The following MINDY4 variants were observed in gnomAD, a reference collection of about 807,000 sequenced individuals.
MINDY4 encodes the protein probable ubiquitin carboxyl-terminal hydrolase MINDY-4.
A neutral mutation model predicts 87.0 loss-of-function variants in MINDY4; 68 were observed. That is an observed-to-expected ratio of 0.78 (90% confidence interval 0.64 to 0.96). The LOEUF is 0.96. MINDY4 is among the 40% of genes least tolerant of loss of function. The pLI, the probability that MINDY4 is intolerant of heterozygous loss-of-function variation, is 0.00. For synonymous variants in MINDY4, 379 were observed against 363.2 expected (o/e 1.04, Z -0.50); for missense variants, 919 against 928.2 (o/e 0.99, Z 0.13).
At chr7:30,784,297 G>A (rs62446931) in intron 3 of MINDY4, among the ~76,000 whole-genome samples, 10,391 of 152,238 alleles carry the variant, frequency 0.068, 488 homozygotes, top group Middle Eastern at 0.13. Flanking sequence ...TCTTGCCTCC[G>A]CCTCGTCCGT....
chr7:30,836,567 A>G, intron 6 of MINDY4, 91 bp from the exon 7 acceptor site: 1 of 1,041,596 alleles, frequency 9.6e-7, no homozygotes, highest in South Asian at 1.4e-5. Flanking sequence ...ACCTTCTACA[A>G]ACTTAGCAAT....
intron 13 of MINDY4, among the ~76,000 whole-genome samples, chr7:30,867,214 A>G (rs1193085945): frequency 2.0e-5 from 3 of 152,130 alleles, no homozygotes; most frequent in Non-Finnish European, 4.4e-5. Flanking sequence ...ATCCTGGGAA[A>G]ACAGTTGATA....
intron 1 of MINDY4, among the ~76,000 whole-genome samples, chr7:30,776,589 C>G (rs1440743066): frequency 6.6e-6 from 1 of 152,198 alleles, no homozygotes; most frequent in Middle Eastern, 3.2e-3. Flanking sequence ...ACTGCTCTGC[C>G]TCTAGCAACT....
chr7:30,801,825 C>T (rs17781398), intron 5 of MINDY4, among the ~76,000 whole-genome samples: 10,451 of 152,226 alleles, frequency 0.069, 439 homozygotes, highest in Middle Eastern at 0.14. Context: ...CCAGAAAGTG[C>T]GGCTAAAGAA....
At chr7:30,785,088 T>TA (rs1554277624) in intron 3 of MINDY4, among the ~76,000 whole-genome samples, 7 of 151,268 alleles carry the variant, frequency 4.6e-5, no homozygotes, top group African/African-American at 1.5e-4. Context: ...TTTTTTTTTT[T>TA]AATTGATCCA....
At chr7:30,793,051 CTT>C (rs534398261) in intron 5 of MINDY4, among the ~76,000 whole-genome samples, 7 of 131,912 alleles carry the variant, frequency 5.3e-5, no homozygotes, top group Non-Finnish European at 6.6e-5. Context: ...ATCGTGGTTT[CTT>C]TTTTTTTTTT....
intron 5 of MINDY4, among the ~76,000 whole-genome samples, chr7:30,820,793 G>A (rs1367740357): frequency 6.6e-6 from 1 of 152,124 alleles, no homozygotes; most frequent in Non-Finnish European, 1.5e-5. Flanking sequence ...AAATAGTGCT[G>A]CCGTGAACAT....
At chr7:30,777,033 A>T (rs1786845646) in intron 1 of MINDY4, among the ~76,000 whole-genome samples, 1 of 137,854 alleles carries the variant, frequency 7.3e-6, no homozygotes, top group Non-Finnish European at 1.5e-5. Flanking sequence ...TTTTAGAGAT[A>T]GGGTCTCACT....
At position 30,821,286 on chromosome 7, in the gene MINDY4, T is replaced by C. The variant is rs369033084; in HGVS notation, c.1074-7393T>C. On this transcript the variant is annotated intron_variant, in intron 5 of 17. Coordinates refer to ENST00000265299, the MANE Select transcript of MINDY4 (RefSeq NM_032222.3). Reference sequence around the variant, plus strand: ...CTTCCTGATATGAGTCCTTGATCGTTCATTCAGTGAAGGTCTGTGATACTA... The same window carrying C: ...CTTCCTGATATGAGTCCTTGATCGTCCATTCAGTGAAGGTCTGTGATACTA... 3.2e-3 allele frequency among the ~76,000 whole-genome samples: 495 copies of C among 152,342 alleles called. 1 individual carries two copies. Among genetic ancestry groups the C allele is most frequent in the African/African-American group, 0.011 (468 of 41,582 alleles).
chr7:30,848,245 C>T (rs922493095), intron 9 of MINDY4, among the ~76,000 whole-genome samples: 3 of 152,200 alleles, frequency 2.0e-5, no homozygotes, highest in African/African-American at 7.2e-5. Flanking sequence ...CTGGTCACAC[C>T]TGTGTTGTAG....
chr7:30,879,700 C>G (rs1449213866), intron 15 of MINDY4, among the ~76,000 whole-genome samples: 1 of 152,200 alleles, frequency 6.6e-6, no homozygotes, highest in Non-Finnish European at 1.5e-5. Context: ...CTTTCCTGCC[C>G]TCATAACCCC....
chr7:30,782,349 T>C, intron 3 of MINDY4, 137 bp downstream of exon 3: 2 of 608,384 alleles, frequency 3.3e-6, no homozygotes, highest in Non-Finnish European at 5.6e-6. Context: ...TGTTTGTGTG[T>C]GTGTGTGTGT....
In MINDY4 at chr7:30,791,583, G is replaced by A; in HGVS notation, c.1073+9G>A. ...CAGCCCGCACCTGTCAGGTGAGTGT[G>A]CTATGCAAAGGTGACGGCTTTTCAA... On this transcript the variant is annotated intron_variant, in intron 5 of 17. Transcript: ENST00000265299. 1 of 1,602,614 alleles carries A rather than the reference G, an allele frequency of 6.2e-7. No homozygotes were observed. Among genetic ancestry groups the A allele is most frequent in the Non-Finnish European group, 8.5e-7 (1 of 1,174,114 alleles).
At chr7:30,888,987 C>T (rs1018757496) in intron 17 of MINDY4, among the ~76,000 whole-genome samples, 3 of 151,952 alleles carry the variant, frequency 2.0e-5, no homozygotes, top group East Asian at 3.9e-4. Flanking sequence ...GGAGCTCATA[C>T]GAGGTACTTC....
intron 1 of MINDY4, among the ~76,000 whole-genome samples, chr7:30,772,715 G>T (rs1786680232): frequency 1.3e-5 from 2 of 151,920 alleles, no homozygotes; most frequent in South Asian, 4.2e-4. Context: ...TGGCTTTGTC[G>T]CATCTGCCCT....
chr7:30,785,492 CT>C (rs1787136950), intron 3 of MINDY4, among the ~76,000 whole-genome samples: 2 of 152,204 alleles, frequency 1.3e-5, no homozygotes, highest in South Asian at 4.1e-4. Flanking sequence ...GTCTTAAGGA[CT>C]TGAGGGGTCC....
intron 5 of MINDY4, among the ~76,000 whole-genome samples, chr7:30,807,792 C>A (rs576976055): frequency 1.3e-5 from 2 of 152,192 alleles, no homozygotes; most frequent in African/African-American, 4.8e-5. Flanking sequence ...CCCGCAGTCA[C>A]GTACCCCCTG....
intron 5 of MINDY4, among the ~76,000 whole-genome samples, chr7:30,801,420 C>T (rs1054804848): frequency 6.6e-6 from 1 of 152,162 alleles, no homozygotes; most frequent in Non-Finnish European, 1.5e-5. Flanking sequence ...GGTTCAGCCT[C>T]ACCTTCTTAA....
chr7:30,809,798 G>A (rs12701042), intron 5 of MINDY4, among the ~76,000 whole-genome samples: 76,840 of 150,688 alleles, frequency 0.51, 20,279 homozygotes, highest in African/African-American at 0.61. Context: ...AAAAAAGGGG[G>A]AAAAAAAAGG....
Sources: gnomAD v4.1 joint callset for allele counts (sites outside exome capture counted in the v4.1 genomes callset) on GRCh38, gnomAD v4.1.1 for gene constraint, MANE v1.5 for transcripts, NCBI Gene and HGNC (gene_info 2026-07-23, HGNC 2026-07-21) for gene names.